Variants in ZNF280D observed in about 807,000 individuals in gnomAD.
ZNF280D encodes the protein suppressor of hairy wing homolog 4.
ZNF280D carries 39 observed loss-of-function variants against 94.7 expected under a neutral mutation model. The ratio of observed to expected loss-of-function variants is 0.41; its 90% CI spans 0.32 to 0.54. The LOEUF (loss-of-function observed/expected upper bound fraction) is 0.54. ZNF280D is among the 20% of genes least tolerant of loss of function. The probability of loss-of-function intolerance (pLI) is 0.22; values close to 1 mark genes in which losing one functional copy is unlikely to be tolerated. For synonymous variants in ZNF280D, 398 were observed against 377.6 expected, an observed-to-expected ratio of 1.05 and a Z score of -0.63; for missense variants, 1,090 against 1,149.3, an observed-to-expected ratio of 0.95 and a Z score of 0.75.
rs1566961299 is a variant in ZNF280D at position 56,669,984 on chromosome 15, T to TTATA, written c.1411-1031_1411-1028dup. ...ATATTATATATATATAATATATATATTATATATATATATTATATATATATA... is the reference window on the plus strand; with the variant it reads ...ATATTATATATATATAATATATATATTATATATATATATATATTATATATATATA... On this transcript the variant is annotated intron_variant, in intron 13 of 21. Transcript: ENST00000267807. Among the ~76,000 whole-genome samples, 9 of 1,678 alleles carry TTATA rather than the reference T, an allele frequency of 5.4e-3. 1 individual carries two copies. Among genetic ancestry groups the TTATA allele is most frequent in the African/African-American group, 0.022 (9 of 418 alleles). The allele number at this position is 1,678 out of a possible 152,430, so 1.1% of individuals were successfully genotyped here.
chr15:56,731,197 C>G (rs556037459), intron 1 of ZNF280D, among the ~76,000 whole-genome samples: 1 of 152,096 alleles, frequency 6.6e-6, no homozygotes, highest in East Asian at 1.9e-4. Context: ...GACTACAGAC[C>G]AGGTCTCTTC....
At chr15:56,671,506 G>C (rs1399725861) in intron 13 of ZNF280D, among the ~76,000 whole-genome samples, 1 of 151,958 alleles carries the variant, frequency 6.6e-6, no homozygotes, top group Non-Finnish European at 1.5e-5. Context: ...TTTTATTTCT[G>C]GGTTCTCTAT....
At chr15:56,732,728 C>T (rs1016820609) in intron 1 of ZNF280D, 3 of 152,084 alleles carry the variant, frequency 2.0e-5, no homozygotes, top group Non-Finnish European at 4.4e-5. Context: ...AGCGTTAAAA[C>T]TTGCGATAAG....
intron 1 of ZNF280D, among the ~76,000 whole-genome samples, chr15:56,721,318 G>A (rs910699737): frequency 1.1e-4 from 17 of 152,118 alleles, no homozygotes; most frequent in Non-Finnish European, 1.6e-4. Context: ...AATGGTAAAT[G>A]AGTACTGGCT....
At chr15:56,637,772 C>T (rs1302228871) in intron 20 of ZNF280D, among the ~76,000 whole-genome samples, 1 of 151,826 alleles carries the variant, frequency 6.6e-6, no homozygotes, top group African/African-American at 2.4e-5. Flanking sequence ...GCAGTAGCAA[C>T]CTGTACTAGT....
chr15:56,654,063 C>T, intron 19 of ZNF280D, 135 bp downstream of exon 19: 1 of 1,499,418 alleles, frequency 6.7e-7, no homozygotes, highest in Non-Finnish European at 8.8e-7. Context: ...CCTATTTCAA[C>T]AAGCAGCTTT....
intron 1 of ZNF280D, among the ~76,000 whole-genome samples, chr15:56,713,887 G>A (rs565252585): frequency 1.3e-5 from 2 of 152,206 alleles, no homozygotes; most frequent in East Asian, 3.9e-4. Flanking sequence ...AGTGAATGAT[G>A]ATACCTACTT....
rs112572527 is a variant in ZNF280D at position 56,707,530 on chromosome 15, T to C, written c.-85-224A>G. On this transcript the variant is annotated intron_variant, in intron 1 of 21. Transcript: ENST00000267807. The stretch of plus-strand genomic sequence containing the variant: ...TCGAAGAAATGTGATGATTTGTAAA[T>C]TACAAATAATTTTTTAAAGTATTTA... Among the ~76,000 whole-genome samples the C allele has an allele frequency of 1.1e-4, 16 of 152,290 alleles. 1 individual carries two copies. Among genetic ancestry groups the C allele is most frequent in the African/African-American group, 3.8e-4 (16 of 41,580 alleles).
intron 1 of ZNF280D, among the ~76,000 whole-genome samples, chr15:56,721,963 G>T (rs182231855): frequency 6.6e-6 from 1 of 152,062 alleles, no homozygotes. Flanking sequence ...ATAATTTCTA[G>T]TTCTTTTTAT....
At chr15:56,666,595 A>G (rs1412559808) in intron 15 of ZNF280D, 60 bp from the exon 16 acceptor site, 2 of 1,517,996 alleles carry the variant, frequency 1.3e-6, no homozygotes, top group Non-Finnish European at 1.8e-6. Flanking sequence ...AATAAGGAAG[A>G]GCCTTAATAA....
intron 1 of ZNF280D, among the ~76,000 whole-genome samples, chr15:56,713,248 A>G (rs952654570): frequency 6.6e-6 from 1 of 152,252 alleles, no homozygotes; most frequent in Non-Finnish European, 1.5e-5. Flanking sequence ...AACTATTTCA[A>G]ATAGTGAAAA....
chr15:56,662,830 CAAAA>C (rs577795987), intron 16 of ZNF280D, among the ~76,000 whole-genome samples: 4 of 50,852 alleles, frequency 7.9e-5, no homozygotes, highest in Non-Finnish European at 8.4e-5. Flanking sequence ...GACTCTGTCT[CAAAA>C]AAAAAAAAAA....
chr15:56,665,943 C>T (rs2054260003), intron 16 of ZNF280D, among the ~76,000 whole-genome samples: 1 of 152,098 alleles, frequency 6.6e-6, no homozygotes, highest in Non-Finnish European at 1.5e-5. Context: ...TGAGACCAGC[C>T]TGGCCAACAT....
chr15:56,698,224 T>C (rs546632766), intron 6 of ZNF280D: 1 of 152,292 alleles, frequency 6.6e-6, no homozygotes, highest in African/African-American at 2.4e-5. Flanking sequence ...TTGTAGTATA[T>C]ATACTAGTTA....
chr15:56,687,025 T>A (rs2056072443), intron 9 of ZNF280D, among the ~76,000 whole-genome samples: 1 of 152,066 alleles, frequency 6.6e-6, no homozygotes, highest in Non-Finnish European at 1.5e-5. Context: ...AATGTAAAAA[T>A]CACATTCTTT....
At chr15:56,732,313 C>A (rs941120827) in intron 1 of ZNF280D, among the ~76,000 whole-genome samples, 18 of 152,102 alleles carry the variant, frequency 1.2e-4, no homozygotes, top group African/African-American at 4.1e-4. Flanking sequence ...CAATGAAAGG[C>A]ACAAAAGCAA....
intron 1 of ZNF280D, among the ~76,000 whole-genome samples, chr15:56,720,618 C>T (rs7168178): frequency 0.56 from 84,663 of 151,972 alleles, 24,322 homozygotes; most frequent in Non-Finnish European, 0.63. Flanking sequence ...ACAGCAGTTA[C>T]ACCCTTACAA....
chr15:56,681,432 T>C (rs186550307), intron 10 of ZNF280D, among the ~76,000 whole-genome samples: 54 of 152,266 alleles, frequency 3.5e-4, no homozygotes, highest in Admixed American at 2.7e-3. Flanking sequence ...AAAGCAAGTA[T>C]AGTAAAATGT....
At chr15:56,687,629 T>C (rs2056118053) in intron 9 of ZNF280D, among the ~76,000 whole-genome samples, 2 of 152,224 alleles carry the variant, frequency 1.3e-5, no homozygotes, top group South Asian at 4.1e-4. Flanking sequence ...TATTGCTACC[T>C]ACTTAAAAAA....
Sources: allele counts gnomAD v4.1 joint callset (sites outside exome capture counted in the v4.1 genomes callset), GRCh38; gene constraint gnomAD v4.1.1; transcripts MANE v1.5; gene names NCBI Gene and HGNC (gene_info 2026-07-23, HGNC 2026-07-21).